APBB2: variants seen among roughly 807,000 people sequenced by gnomAD.
APBB2 encodes the protein Fe65-like 1.
In APBB2, 38 loss-of-function variants were observed where a neutral mutation model predicts 82.5. That is an observed-to-expected ratio of 0.46 (90% CI 0.36 to 0.60). APBB2 has a LOEUF of 0.60. Ranked by LOEUF, APBB2 falls within the 20% of genes least tolerant of loss-of-function variation. The pLI is 0.00. For missense variants in APBB2, 772 were observed against 972.3 expected, an observed-to-expected ratio of 0.79 and a Z score of 2.74; for synonymous variants, 341 against 368.2, an observed-to-expected ratio of 0.93 and a Z score of 0.85.
intron 11 of APBB2, chr4:40,892,682 C>T (rs958770911): frequency 5.3e-5 from 8 of 152,234 alleles, no homozygotes; most frequent in African/African-American, 1.9e-4. Flanking sequence ...GTTTCATACA[C>T]ATTTGGTATC....
chr4:41,094,405 T>G (rs1742802466), intron 3 of APBB2, among the ~76,000 whole-genome samples: 1 of 152,244 alleles, frequency 6.6e-6, no homozygotes, highest in Non-Finnish European at 1.5e-5. Flanking sequence ...TAGGAATTTC[T>G]TGAAACTTTA....
chr4:41,192,129 C>CA (rs1774614016), intron 1 of APBB2, among the ~76,000 whole-genome samples: 1 of 152,110 alleles, frequency 6.6e-6, no homozygotes, highest in Admixed American at 6.5e-5. Context: ...TCAAAAAAGT[C>CA]AAGAGATAAC....
At chr4:40,944,493 T>G (rs539509161) in intron 7 of APBB2, among the ~76,000 whole-genome samples, 1 of 152,294 alleles carries the variant, frequency 6.6e-6, no homozygotes, top group South Asian at 2.1e-4. Context: ...ATAATACGTC[T>G]GGCCAAGAGA....
At chr4:41,189,997 C>T (rs1411547672) in intron 1 of APBB2, among the ~76,000 whole-genome samples, 1 of 152,070 alleles carries the variant, frequency 6.6e-6, no homozygotes, top group African/African-American at 2.4e-5. Flanking sequence ...AATAGAAGTC[C>T]CTTAAAAATT....
chr4:41,107,285 T>C (rs1335385250), intron 2 of APBB2, among the ~76,000 whole-genome samples: 1 of 152,186 alleles, frequency 6.6e-6, no homozygotes, highest in African/African-American at 2.4e-5. Context: ...CACTCCAGTC[T>C]GGGCAACACA....
At chr4:40,894,836 C>A (rs1560820020) in intron 10 of APBB2, among the ~76,000 whole-genome samples, 8 of 152,152 alleles carry the variant, frequency 5.3e-5, no homozygotes. Flanking sequence ...GACTTGGCTA[C>A]AGCATTTGCC....
chr4:41,000,889 T>G (rs960691744), intron 6 of APBB2, among the ~76,000 whole-genome samples: 39 of 151,050 alleles, frequency 2.6e-4, no homozygotes, highest in Non-Finnish European at 4.4e-5. Flanking sequence ...GAGAGAGAGA[T>G]AGGACATCAA....
chr4:41,108,516 C>G (rs957419072), intron 2 of APBB2, among the ~76,000 whole-genome samples: 2 of 152,104 alleles, frequency 1.3e-5, no homozygotes, highest in Non-Finnish European at 2.9e-5. Context: ...TCTCCTCTAC[C>G]CAAGTCTGAA....
intron 1 of APBB2, among the ~76,000 whole-genome samples, chr4:41,196,968 G>A: frequency 6.7e-6 from 1 of 149,666 alleles, no homozygotes; most frequent in East Asian, 1.9e-4. Context: ...TTTTTAAATT[G>A]TATTAGTTCT....
intron 12 of APBB2, among the ~76,000 whole-genome samples, chr4:40,867,428 T>TATC (rs1764296755): frequency 6.6e-6 from 1 of 152,220 alleles, no homozygotes. Context: ...CTATTATTAT[T>TATC]ATCAACCCCC....
intron 6 of APBB2, among the ~76,000 whole-genome samples, chr4:40,985,546 T>C (rs541041946): frequency 3.6e-4 from 55 of 152,278 alleles, no homozygotes; most frequent in Non-Finnish European, 6.9e-4. Flanking sequence ...CACGTTAGTA[T>C]TGATTTCATT....
chr4:41,183,828 G>A (rs1261986471), intron 1 of APBB2, among the ~76,000 whole-genome samples: 2 of 150,606 alleles, frequency 1.3e-5, no homozygotes, highest in Admixed American at 6.6e-5. Flanking sequence ...TGGACTGGGG[G>A]AGTTGCAGGG....
intron 3 of APBB2, among the ~76,000 whole-genome samples, chr4:41,099,791 G>C (rs1744747120): frequency 6.6e-6 from 1 of 152,116 alleles, no homozygotes; most frequent in Non-Finnish European, 1.5e-5. Context: ...AAGCTATCTA[G>C]TAATTTAATG....
intron 10 of APBB2, among the ~76,000 whole-genome samples, chr4:40,905,312 G>A (rs1156569486): frequency 6.6e-6 from 1 of 152,178 alleles, no homozygotes; most frequent in East Asian, 1.9e-4. Flanking sequence ...ATCCCCTGCA[G>A]TTGGGAAACA....
intron 1 of APBB2, among the ~76,000 whole-genome samples, chr4:41,161,355 C>T (rs1203656920): frequency 6.6e-6 from 1 of 152,110 alleles, no homozygotes; most frequent in Non-Finnish European, 1.5e-5. Flanking sequence ...ACCTGTAATC[C>T]TAGCACTTTG....
At chr4:40,992,518 C>T (rs543634888) in intron 6 of APBB2, among the ~76,000 whole-genome samples, 1 of 152,166 alleles carries the variant, frequency 6.6e-6, no homozygotes, top group Non-Finnish European at 1.5e-5. Flanking sequence ...ATAGATTTAC[C>T]TTCTGATGTA....
chr4:41,188,774 T>A (rs1272161878), intron 1 of APBB2, among the ~76,000 whole-genome samples: 2 of 151,908 alleles, frequency 1.3e-5, no homozygotes, highest in African/African-American at 4.8e-5. Flanking sequence ...ACTAGCAGGG[T>A]GTGGTGGCAC....
At chr4:40,991,184 T>A (rs1443669711) in intron 6 of APBB2, among the ~76,000 whole-genome samples, 4 of 137,646 alleles carry the variant, frequency 2.9e-5, no homozygotes, top group Non-Finnish European at 4.8e-5. Context: ...GCTTTTTTTT[T>A]TTTTTTTTTT....
chr4:41,195,878 C>T, intron 1 of APBB2, among the ~76,000 whole-genome samples: 1 of 152,124 alleles, frequency 6.6e-6, no homozygotes, highest in Non-Finnish European at 1.5e-5. Context: ...AATCACATCC[C>T]GGCCAGGCTC....
Sources: allele counts gnomAD v4.1 joint callset (sites outside exome capture counted in the v4.1 genomes callset), GRCh38; gene constraint gnomAD v4.1.1; transcripts MANE v1.5; gene names NCBI Gene and HGNC (gene_info 2026-07-23, HGNC 2026-07-21).